USP31: variants seen among roughly 807,000 people sequenced by gnomAD.
USP31 encodes the protein ubiquitin carboxyl-terminal hydrolase 31.
Under a neutral mutation model 119.4 loss-of-function variants are expected in USP31, and 44 were observed. That is an observed-to-expected ratio of 0.37 (90% confidence interval 0.29 to 0.47). USP31 has a LOEUF of 0.47. USP31 is among the 20% of genes least tolerant of loss of function. The pLI, the probability that USP31 is intolerant of heterozygous loss-of-function variation, is 0.99. For missense variants in USP31, 1,643 were observed against 1,730.2 expected (o/e 0.95, Z 0.89); for synonymous variants, 749 against 705.6 (o/e 1.06, Z -0.97).
chr16:23,140,468 C>T (rs1476741756), intron 1 of USP31, among the ~76,000 whole-genome samples: 2 of 152,136 alleles, frequency 1.3e-5, no homozygotes, highest in African/African-American at 4.8e-5. Context: ...AGTGCCAAGG[C>T]CGAGAATCTG....
rs1221465446 is a variant in USP31 at position 23,062,380 on chromosome 16, T to A, written c.*5666A>T. On this transcript the variant is annotated 3_prime_UTR_variant, in exon 16 of 16. Transcript: ENST00000219689. ...AAATAGCAATAAGGGTTTTTTTTTT[T>A]TAAAAAAAAGACACCAAAGAAAATG... The A allele has an allele frequency of 4.3e-5, 6 of 140,672 alleles. No individual in the cohort carries two copies. The highest frequency in any genetic ancestry group is 2.0e-4 in the East Asian group (1 of 4,984). 8.7% of individuals were successfully genotyped at this position (140,672 alleles called of 1,614,324 possible).
chr16:23,079,851 G>A, intron 13 of USP31, 95 bp downstream of exon 13: 2 of 1,187,960 alleles, frequency 1.7e-6, no homozygotes, highest in Non-Finnish European at 2.3e-6. Context: ...GCCTACCGGA[G>A]GGGAAATGAG....
At chr16:23,079,645 G>T in intron 13 of USP31, 1 of 253,864 alleles carries the variant, frequency 3.9e-6, no homozygotes. Flanking sequence ...TAGCAAAACC[G>T]TAAATGGGGA....
chr16:23,135,897 G>A (rs1903173670), intron 1 of USP31, among the ~76,000 whole-genome samples: 1 of 152,178 alleles, frequency 6.6e-6, no homozygotes, highest in Non-Finnish European at 1.5e-5. Context: ...AGACAAAATT[G>A]AAGGACTCAC....
chr16:23,084,983 A>T lies in USP31; in HGVS notation c.1707T>A (p.Phe569Leu). 1 of 1,614,026 alleles carries T rather than the reference A, an allele frequency of 6.2e-7. No homozygotes were observed. Among genetic ancestry groups the T allele is most frequent in the Non-Finnish European group, 8.5e-7 (1 of 1,179,948 alleles). Residue 569 changes from phenylalanine (F) to leucine (L), a missense_variant, in exon 11 of 16, where the codon TTT (phenylalanine) becomes TTA (leucine). Transcript: ENST00000219689. ...GAATATACTCATCCTCAGTATTTAC[A>T]AATAAGCTGCAATTAGGGGGAAAAG... ...EWDKETRDFL[F>L]VNTEDEYIPD...
At chr16:23,071,023 T>C (rs1194142531) in intron 15 of USP31, among the ~76,000 whole-genome samples, 1 of 152,212 alleles carries the variant, frequency 6.6e-6, no homozygotes, top group East Asian at 1.9e-4. Context: ...AAGGCAGTAC[T>C]GAAAATAACC....
rs11548754 is a variant in USP31 at position 23,062,724 on chromosome 16, T to G, written c.*5322A>C. On this transcript the variant is annotated 3_prime_UTR_variant, in exon 16 of 16. Coordinates refer to ENST00000219689, the MANE Select transcript of USP31 (RefSeq NM_020718.4). Reference sequence around the variant, plus strand: ...TGCTCCAGCAACTAAGACCACCAATTTCCACCAGACTGGCGAGTGCTAGGC... The same window carrying G: ...TGCTCCAGCAACTAAGACCACCAATGTCCACCAGACTGGCGAGTGCTAGGC... 6.6e-6 allele frequency: 1 copy of G among 152,540 alleles called. No individual in the cohort carries two copies. Among genetic ancestry groups the G allele is most frequent in the Non-Finnish European group, 1.5e-5 (1 of 68,060 alleles). The allele number at this position is 152,540 out of a possible 1,614,324, so 9.4% of individuals were successfully genotyped here.
chr16:23,117,434 G>GT (rs1432314700), intron 1 of USP31, among the ~76,000 whole-genome samples: 1 of 152,214 alleles, frequency 6.6e-6, no homozygotes, highest in African/African-American at 2.4e-5. Flanking sequence ...TAATAAAGGG[G>GT]TTGAATAATG....
rs1435503376 is a variant in USP31 at position 23,148,867 on chromosome 16, T to C, written c.404A>G (p.Asn135Ser). Reference sequence around the variant, plus strand: ...CAGCGTGGCGTTCATGAAGCACGTGTTGCCGTGGTTGCGGAGCCCCGCCAC... The same window carrying C: ...CAGCGTGGCGTTCATGAAGCACGTGCTGCCGTGGTTGCGGAGCCCCGCCAC... Reference protein sequence around the residue: ...PGVAGLRNHGNTCFMNATLQC... With the variant: ...PGVAGLRNHGSTCFMNATLQC... Residue 135 changes from asparagine to serine, a missense_variant, in exon 1 of 16, where the codon AAC becomes AGC. By Grantham distance (46) the Asn-to-Ser change is conservative. Transcript: ENST00000219689. The C allele has an allele frequency of 6.7e-7, 1 of 1,489,964 alleles. No individual in the cohort carries two copies. The highest frequency in any genetic ancestry group is 1.4e-5 in the African/African-American group (1 of 69,274). The allele number at this position is 1,489,964 out of a possible 1,614,324, so 92.3% of individuals were successfully genotyped here.
At chr16:23,082,717 T>A (rs1900886736) in intron 11 of USP31, among the ~76,000 whole-genome samples, 160 bp from the exon 12 acceptor site, 1 of 152,126 alleles carries the variant, frequency 6.6e-6, no homozygotes, top group Non-Finnish European at 1.5e-5. Flanking sequence ...TAGCCAGAGC[T>A]GGCACCCAAA....
At chr16:23,145,798 G>T (rs1240347559) in intron 1 of USP31, among the ~76,000 whole-genome samples, 1 of 152,194 alleles carries the variant, frequency 6.6e-6, no homozygotes, top group Non-Finnish European at 1.5e-5. Context: ...CAATTGCAAC[G>T]TTTTCATTGC....
chr16:23,136,906 A>T (rs920038713), intron 1 of USP31, among the ~76,000 whole-genome samples: 1 of 152,202 alleles, frequency 6.6e-6, no homozygotes, highest in African/African-American at 2.4e-5. Flanking sequence ...ATTCATTAGG[A>T]GAATGTAAAT....
intron 1 of USP31, among the ~76,000 whole-genome samples, chr16:23,137,964 T>C (rs1029820415): frequency 1.1e-4 from 16 of 152,142 alleles, no homozygotes; most frequent in African/African-American, 3.9e-4. Flanking sequence ...TAATCCAAAG[T>C]GGTCTGACCA....
intron 1 of USP31, among the ~76,000 whole-genome samples, chr16:23,130,343 T>C (rs1203069723): frequency 6.6e-6 from 1 of 152,126 alleles, no homozygotes; most frequent in Non-Finnish European, 1.5e-5. Context: ...CCCAGCATTT[T>C]GGGAGGCCAA....
intron 1 of USP31, among the ~76,000 whole-genome samples, chr16:23,143,605 G>A (rs1039817523): frequency 4.0e-5 from 6 of 151,072 alleles, no homozygotes; most frequent in African/African-American, 1.5e-4. Flanking sequence ...GAGAGAGAGA[G>A]AAAGAGAGAG....
At position 23,062,366 on chromosome 16, in the gene USP31, A is replaced by AG. The variant is rs1308039150; in HGVS notation, c.*5679dup. 3 of 143,290 alleles carry AG rather than the reference A, an allele frequency of 2.1e-5. No homozygotes were observed. The highest frequency in any genetic ancestry group is 7.3e-5 in the Admixed American group (1 of 13,722). The allele number at this position is 143,290 out of a possible 1,614,324, so 8.9% of individuals were successfully genotyped here. A position where few individuals can be genotyped will look rare whatever the true frequency, so the allele number is the denominator to read the frequency against. ...ACAAAAACACGAAAAAATAGCAATA[A>AG]GGGTTTTTTTTTTTTAAAAAAAAGA... is the stretch of plus-strand genomic sequence containing the variant. On this transcript the variant is annotated 3_prime_UTR_variant, in exon 16 of 16. Transcript: ENST00000219689.
intron 1 of USP31, among the ~76,000 whole-genome samples, chr16:23,118,945 C>T (rs1902581561): frequency 6.6e-6 from 1 of 151,668 alleles, no homozygotes; most frequent in African/African-American, 2.4e-5. Flanking sequence ...TGCACTCCAG[C>T]CTGGGTGACA....
chr16:23,105,246 C>T (rs1417699009), intron 5 of USP31, among the ~76,000 whole-genome samples, 195 bp downstream of exon 5: 1 of 152,196 alleles, frequency 6.6e-6, no homozygotes, highest in Non-Finnish European at 1.5e-5. Context: ...ATTATATACA[C>T]AATTAAATGA....
chr16:23,114,691 C>T (rs1490443551), intron 1 of USP31, among the ~76,000 whole-genome samples: 7 of 152,182 alleles, frequency 4.6e-5, no homozygotes, highest in African/African-American at 1.7e-4. Context: ...AGTGCCAAGG[C>T]TGCTCAACAA....
Sources: allele counts gnomAD v4.1 joint callset (sites outside exome capture counted in the v4.1 genomes callset), GRCh38; gene constraint gnomAD v4.1.1; transcripts MANE v1.5; gene names NCBI Gene and HGNC (gene_info 2026-07-23, HGNC 2026-07-21).